RGMB: variants seen among roughly 807,000 people sequenced by gnomAD.
The protein encoded by RGMB is repulsive guidance molecule B.
Under a neutral mutation model 26.9 loss-of-function variants are expected in RGMB, and 16 were observed. That is an observed-to-expected ratio of 0.60 (90% CI 0.40 to 0.90). RGMB has a LOEUF of 0.90. RGMB is among the 40% of genes least tolerant of loss of function. RGMB has a pLI of 0.00. For missense variants in RGMB, 512 were observed against 573.3 expected (o/e 0.89, Z 1.09); for synonymous variants, 225 against 229.3 (o/e 0.98, Z 0.17).
intron 1 of RGMB, among the ~76,000 whole-genome samples, chr5:98,777,551 A>G (rs2112345329): frequency 6.6e-6 from 1 of 152,316 alleles, no homozygotes; most frequent in South Asian, 2.1e-4. Flanking sequence ...ATCCTGGCTT[A>G]ATGATGCTAG....
chr5:98,791,662 A>G (rs1439246761), intron 2 of RGMB, among the ~76,000 whole-genome samples: 1 of 152,210 alleles, frequency 6.6e-6, no homozygotes, highest in African/African-American at 2.4e-5. Flanking sequence ...TTCAAGAAGG[A>G]AGAGAGAACC....
In RGMB at chr5:98,774,058, T is replaced by C. The variant is rs1303436322; in HGVS notation, c.-13T>C. 1 of 900,914 alleles carries C rather than the reference T, an allele frequency of 1.1e-6. No individual in the cohort carries two copies. The highest frequency in any genetic ancestry group is 2.4e-5 in the Admixed American group (1 of 42,146). The allele number at this position is 900,914 out of a possible 1,614,324, so 55.8% of individuals were successfully genotyped here. ...CGCCCTCGCCGGAGCCCACGAGACC[T>C]GCATGGACGGGCATGGGCTTGAGAG... On this transcript the variant is annotated 5_prime_UTR_variant, in exon 1 of 3. Coordinates refer to ENST00000513185, the MANE Select transcript of RGMB (RefSeq NM_001366508.1).
chr5:98,787,390 T>C (rs1240320391), intron 2 of RGMB, among the ~76,000 whole-genome samples: 1 of 152,238 alleles, frequency 6.6e-6, no homozygotes, highest in Non-Finnish European at 1.5e-5. Flanking sequence ...GCCTCGGGTC[T>C]GTAGTCCTGC....
At chr5:98,770,545 C>A, upstream of RGMB, 1 of 931,260 alleles carries the variant, frequency 1.1e-6, no homozygotes, top group South Asian at 5.2e-5. Context: ...GGCTCTCTCC[C>A]TCCGCGAGTG....
chr5:98,791,366 AT>A (rs1326354681), intron 2 of RGMB, among the ~76,000 whole-genome samples: 54 of 152,192 alleles, frequency 3.5e-4, no homozygotes, highest in Non-Finnish European at 1.8e-4. Context: ...TGGCTGGAAA[AT>A]TCCAGTCAAG....
At chr5:98,768,775 T>C (rs1440333105), upstream of RGMB, 1 of 152,274 alleles carries the variant, frequency 6.6e-6, no homozygotes, top group Non-Finnish European at 1.5e-5. Flanking sequence ...ATTCCTTATT[T>C]CGGCGAAAGT....
chr5:98,774,069 G>T lies in RGMB; in HGVS notation c.-2G>T. ...GAGCCCACGAGACCTGCATGGACGG[G>T]CATGGGCTTGAGAGCAGCACCTTCC... is the stretch of plus-strand genomic sequence containing the variant. On this transcript the variant is annotated 5_prime_UTR_variant, in exon 1 of 3. Transcript: ENST00000513185. 2.1e-6 allele frequency: 2 copies of T among 972,916 alleles called. No homozygotes were observed. The highest frequency in any genetic ancestry group is 3.1e-6 in the Non-Finnish European group (2 of 646,912). The allele number at this position is 972,916 out of a possible 1,614,324, so 60.3% of individuals were successfully genotyped here. A position where few individuals can be genotyped will look rare whatever the true frequency, so the allele number is the denominator to read the frequency against.
In RGMB at chr5:98,773,699, G is replaced by A. The variant is rs1039909704; in HGVS notation, c.-372G>A. On this transcript the variant is annotated 5_prime_UTR_variant, in exon 1 of 3. Coordinates refer to ENST00000513185, the MANE Select transcript of RGMB (RefSeq NM_001366508.1). The stretch of plus-strand genomic sequence containing the variant: ...CGGGCCGCCGGTGGGTGGTCGCTAG[G>A]GCTGGGCCAGCCTCTTGGAGGTCCA... 5 of 370,142 alleles carry A rather than the reference G, an allele frequency of 1.4e-5. No individual in the cohort carries two copies. The highest frequency in any genetic ancestry group is 6.3e-5 in the African/African-American group (3 of 47,358). The allele number at this position is 370,142 out of a possible 1,614,324, so 22.9% of individuals were successfully genotyped here. A position where few individuals can be genotyped will look rare whatever the true frequency, so the allele number is the denominator to read the frequency against.
chr5:98,787,046 CAT>C (rs146984014), intron 2 of RGMB, among the ~76,000 whole-genome samples: 3,986 of 152,268 alleles, frequency 0.026, 154 homozygotes, highest in African/African-American at 0.089. Flanking sequence ...CCATTTAAGA[CAT>C]GTGTGTGCAT....
At chr5:98,788,744 TC>T (rs1746838162) in intron 2 of RGMB, among the ~76,000 whole-genome samples, 1 of 152,216 alleles carries the variant, frequency 6.6e-6, no homozygotes, top group African/African-American at 2.4e-5. Context: ...GGCCTCTACT[TC>T]CTTTAGGTGC....
At chr5:98,777,737 A>C (rs1343673976) in intron 1 of RGMB, among the ~76,000 whole-genome samples, 1 of 152,220 alleles carries the variant, frequency 6.6e-6, no homozygotes, top group Non-Finnish European at 1.5e-5. Context: ...TGGAAAGAGA[A>C]ATTCAGTAAA....
Position 98,780,101 on chromosome 5 carries a change from T to C in RGMB, c.645+13T>C, listed in dbSNP as rs770950550. 6.3e-7 allele frequency: 1 copy of C among 1,595,808 alleles called. No homozygotes were observed. On this transcript the variant is annotated intron_variant, in intron 2 of 2. Transcript: ENST00000513185. ...TGCTACAAATAAGGCAAGTATACCT[T>C]CTTTTTTCCCTCTCCCTACTCAACT... is the stretch of plus-strand genomic sequence containing the variant.
intron 2 of RGMB, among the ~76,000 whole-genome samples, chr5:98,784,716 G>A (rs1218352938): frequency 1.3e-5 from 2 of 152,190 alleles, no homozygotes; most frequent in Non-Finnish European, 2.9e-5. Context: ...TTGTAGCTAA[G>A]TTTTTGCAAC....
At chr5:98,789,283 A>C in intron 2 of RGMB, among the ~76,000 whole-genome samples, 1 of 152,234 alleles carries the variant, frequency 6.6e-6, no homozygotes, top group East Asian at 1.9e-4. Context: ...GATTAAACAC[A>C]GATAAATGTT....
chr5:98,777,277 C>T (rs993637573), intron 1 of RGMB, among the ~76,000 whole-genome samples: 3 of 152,076 alleles, frequency 2.0e-5, no homozygotes, highest in African/African-American at 7.2e-5. Flanking sequence ...ATTTTATAGA[C>T]CATAAAAAGA....
chr5:98,776,341 A>G (rs1264210076), intron 1 of RGMB, among the ~76,000 whole-genome samples: 1 of 152,238 alleles, frequency 6.6e-6, no homozygotes, highest in Non-Finnish European at 1.5e-5. Context: ...AAAGAGTATG[A>G]AAAGAGTACC....
intron 2 of RGMB, chr5:98,780,643 A>G (rs1746572530): frequency 6.6e-6 from 1 of 152,540 alleles, no homozygotes; most frequent in Non-Finnish European, 1.5e-5. Flanking sequence ...ATAATTGGAT[A>G]TTGCAGAGCA....
chr5:98,776,827 C>T (rs1746429445), intron 1 of RGMB, among the ~76,000 whole-genome samples: 1 of 152,222 alleles, frequency 6.6e-6, no homozygotes, highest in African/African-American at 2.4e-5. Context: ...TGGCTCACGC[C>T]TGTAATCCCA....
chr5:98,776,549 G>C (rs751596159), intron 1 of RGMB, among the ~76,000 whole-genome samples: 2 of 152,010 alleles, frequency 1.3e-5, no homozygotes, highest in Non-Finnish European at 2.9e-5. Context: ...CAAAGTGTGC[G>C]TTGTCGTTAT....
Sources: allele counts gnomAD v4.1 joint callset (sites outside exome capture counted in the v4.1 genomes callset), GRCh38; gene constraint gnomAD v4.1.1; transcripts MANE v1.5; gene names NCBI Gene and HGNC (gene_info 2026-07-23, HGNC 2026-07-21).